Variants in SLC2A12 observed in about 807,000 individuals in gnomAD.
SLC2A12 encodes solute carrier family 2, facilitated glucose transporter member 12.
A neutral mutation model predicts 41.8 loss-of-function variants in SLC2A12; 23 were observed. The observed-to-expected ratio is 0.55, with a 90% CI of 0.40 to 0.78. SLC2A12 has a LOEUF of 0.78. SLC2A12 is among the 30% of genes least tolerant of loss of function. The pLI, the probability that SLC2A12 is intolerant of heterozygous loss-of-function variation, is 0.00. For missense variants in SLC2A12, 654 were observed against 745.6 expected, an observed-to-expected ratio of 0.88 and a Z score of 1.43; for synonymous variants, 295 against 285.9, an observed-to-expected ratio of 1.03 and a Z score of -0.32.
chr6:133,994,796 G>T lies in SLC2A12; in HGVS notation c.1701-3488C>A, dbSNP rs565031915. Among the ~76,000 whole-genome samples the T allele has an allele frequency of 3.3e-5, 5 of 152,292 alleles. No individual in the cohort carries two copies. In the South Asian group the frequency reaches 1.0e-3, roughly 32 times the overall value. On this transcript the variant is annotated intron_variant, in intron 4 of 4. Transcript: ENST00000275230. ...GAGGGTGATAGAGAAGTGGTCAGGG[G>T]ACTAAGCCCCAGGGCACACCAACTT... is the stretch of plus-strand genomic sequence containing the variant.
rs539182494 is a variant in SLC2A12 at position 134,035,632 on chromosome 6, T to C, written c.104-5911A>G. On this transcript the variant is annotated intron_variant, in intron 1 of 4. Coordinates refer to ENST00000275230, the MANE Select transcript of SLC2A12 (RefSeq NM_145176.3). ...CACATCAAACTTTGATTAACTAAAT[T>C]TGTTATGCTTTTCTCTTGTCACTCT... is the stretch of plus-strand genomic sequence containing the variant. Among the ~76,000 whole-genome samples the C allele has an allele frequency of 9.8e-5, 15 of 152,300 alleles. No homozygotes were observed. The South Asian group carries it at 1.2e-3, about 13-fold the overall frequency.
At chr6:133,994,995 C>G (rs1338804419) in intron 4 of SLC2A12, among the ~76,000 whole-genome samples, 2 of 152,148 alleles carry the variant, frequency 1.3e-5, no homozygotes, top group Non-Finnish European at 2.9e-5. Flanking sequence ...ACAGAGTTAA[C>G]CAACATGGAG....
intron 1 of SLC2A12, among the ~76,000 whole-genome samples, chr6:134,040,055 TTTG>T (rs1406597156): frequency 2.3e-5 from 2 of 86,810 alleles, no homozygotes; most frequent in African/African-American, 7.5e-5. Context: ...GTTGTTGTTT[TTTG>T]TTTTTTTTTT....
intron 2 of SLC2A12, chr6:134,009,094 G>T (rs985713715): frequency 6.6e-6 from 1 of 152,208 alleles, no homozygotes; most frequent in African/African-American, 2.4e-5. Context: ...ATCCTGCTGT[G>T]ATAGAAAGTG....
chr6:134,051,319 C>T (rs746601719), intron 1 of SLC2A12, among the ~76,000 whole-genome samples: 9 of 152,042 alleles, frequency 5.9e-5, no homozygotes, highest in African/African-American at 1.2e-4. Flanking sequence ...CTTCATGCCT[C>T]GATGTTAGGG....
intron 1 of SLC2A12, among the ~76,000 whole-genome samples, chr6:134,044,319 G>T (rs888705510): frequency 6.6e-6 from 1 of 152,286 alleles, no homozygotes. Flanking sequence ...CCAGGGTCTG[G>T]CATCATATCT....
intron 2 of SLC2A12, among the ~76,000 whole-genome samples, chr6:134,015,060 C>G (rs147803676): frequency 6.6e-6 from 1 of 152,100 alleles, no homozygotes; most frequent in Non-Finnish European, 1.5e-5. Context: ...TTCCCATCAC[C>G]CTAAATGACC....
At chr6:134,050,413 A>T (rs1269015098) in intron 1 of SLC2A12, among the ~76,000 whole-genome samples, 2 of 152,242 alleles carry the variant, frequency 1.3e-5, no homozygotes, top group African/African-American at 2.4e-5. Flanking sequence ...TTGAAAGATA[A>T]TTTATGGTAC....
intron 4 of SLC2A12, among the ~76,000 whole-genome samples, chr6:133,993,045 C>CCT (rs1776643689): frequency 6.6e-6 from 1 of 152,096 alleles, no homozygotes; most frequent in East Asian, 1.9e-4. Flanking sequence ...CTCTCCAGTC[C>CCT]CACCTTCCTA....
chr6:134,037,357 C>T (rs965432939), intron 1 of SLC2A12, among the ~76,000 whole-genome samples: 4 of 141,580 alleles, frequency 2.8e-5, no homozygotes, highest in African/African-American at 5.3e-5. Context: ...TTTTTTTTGG[C>T]TTTTGTTTTT....
chr6:134,006,196 A>AAC (rs1776813996), intron 3 of SLC2A12, among the ~76,000 whole-genome samples: 1 of 150,568 alleles, frequency 6.6e-6, no homozygotes, highest in African/African-American at 2.5e-5. Flanking sequence ...AAAAAAACAA[A>AAC]AAAAAAAACA....
chr6:134,006,645 T>C (rs543506415), intron 3 of SLC2A12, among the ~76,000 whole-genome samples, 167 bp downstream of exon 3: 1 of 152,278 alleles, frequency 6.6e-6, no homozygotes, highest in Admixed American at 6.5e-5. Context: ...TAAATAGATT[T>C]ACATTCAAAA....
intron 2 of SLC2A12, among the ~76,000 whole-genome samples, chr6:134,021,914 A>G (rs1777045575): frequency 6.6e-6 from 1 of 152,210 alleles, no homozygotes; most frequent in Admixed American, 6.5e-5. Context: ...CTTTGTGTGT[A>G]TTGACTTGGG....
intron 2 of SLC2A12, among the ~76,000 whole-genome samples, chr6:134,007,240 G>A (rs1322037585): frequency 2.0e-5 from 3 of 152,260 alleles, no homozygotes; most frequent in Admixed American, 6.5e-5. Flanking sequence ...GGGCAGAGGT[G>A]GGGCCACCTG....
chr6:133,993,996 C>T (rs543752715), intron 4 of SLC2A12, among the ~76,000 whole-genome samples: 30 of 152,250 alleles, frequency 2.0e-4, no homozygotes, highest in African/African-American at 7.0e-4. Context: ...GTCATTCTGG[C>T]CACTGTGTAG....
chr6:134,004,571 T>G (rs866744338), intron 3 of SLC2A12, among the ~76,000 whole-genome samples: 1 of 152,236 alleles, frequency 6.6e-6, no homozygotes, highest in South Asian at 2.1e-4. Flanking sequence ...GTTATTTGTT[T>G]CATAGAACTT....
chr6:134,006,193 C>CAAAAAAAAAAAAAAA (rs571711008), intron 3 of SLC2A12, among the ~76,000 whole-genome samples: 1 of 121,606 alleles, frequency 8.2e-6, no homozygotes, highest in Non-Finnish European at 1.7e-5. Flanking sequence ...AAAAAAAAAA[C>CAAAAAAAAAAAAAAA]AAAAAAAAAA....
At position 134,052,528 on chromosome 6, in the gene SLC2A12, C is replaced by T. The variant is rs757106843; in HGVS notation, c.-48G>A. On this transcript the variant is annotated 5_prime_UTR_variant, in exon 1 of 5. Coordinates refer to ENST00000275230, the MANE Select transcript of SLC2A12 (RefSeq NM_145176.3). ...CTTCCCCGCCACCAAACCGCCCCGA[C>T]CACCCCCGCTCCCAGGAGTGGTCAC... 3.6e-5 allele frequency: 53 copies of T among 1,473,892 alleles called. 1 individual carries two copies. The Middle Eastern group carries it at 8.6e-4, about 24-fold the overall frequency. The allele number at this position is 1,473,892 out of a possible 1,614,324, so 91.3% of individuals were successfully genotyped here.
At chr6:134,052,229 GCCCA>G in intron 1 of SLC2A12, 145 bp downstream of exon 1, 1 of 597,242 alleles carries the variant, frequency 1.7e-6, no homozygotes. Flanking sequence ...CATCCAGCGC[GCCCA>G]CATGCGCGCG....
Sources: gnomAD v4.1 joint callset for allele counts (sites outside exome capture counted in the v4.1 genomes callset) on GRCh38, gnomAD v4.1.1 for gene constraint, MANE v1.5 for transcripts, NCBI Gene and HGNC (gene_info 2026-07-23, HGNC 2026-07-21) for gene names.